The following TENM1 variants were observed in gnomAD, a reference collection of about 807,000 sequenced individuals.
TENM1 encodes the protein teneurin-1.
A neutral mutation model predicts 174.8 loss-of-function variants in TENM1; 35 were observed. The observed-to-expected ratio is 0.20, with a 90% CI of 0.15 to 0.27. The LOEUF is 0.27. Ranked by LOEUF, TENM1 falls within the 10% of genes least tolerant of loss-of-function variation. The pLI, the probability that TENM1 is intolerant of heterozygous loss-of-function variation, is 1.00. For missense variants in TENM1, 1,633 were observed against 2,130.1 expected (o/e 0.77, Z 4.59); for synonymous variants, 781 against 798.7 (o/e 0.98, Z 0.37).
chrX:124,702,197 T>C (rs2052792620), intron 5 of TENM1, among the ~76,000 whole-genome samples: 1 of 112,252 alleles, frequency 8.9e-6, no homozygotes, highest in Non-Finnish European at 1.9e-5. Context: ...GAAAGCCATT[T>C]AAAAATCATC....
At chrX:125,076,125 A>G in the TENM1 span, among the ~76,000 whole-genome samples, 1 of 111,573 alleles carries the variant, frequency 9.0e-6, no homozygotes, top group Non-Finnish European at 1.9e-5. Flanking sequence ...ACAAAGGTCA[A>G]TGTTTAGCTT....
At chrX:124,884,032 G>A (rs978456837) in intron 3 of TENM1, among the ~76,000 whole-genome samples, 4 of 111,330 alleles carry the variant, frequency 3.6e-5, no homozygotes, top group Non-Finnish European at 7.6e-5. Context: ...GCTGCACTGT[G>A]TCCCTGATAT....
At chrX:125,162,785 C>T in the TENM1 span, among the ~76,000 whole-genome samples, 1 of 111,694 alleles carries the variant, frequency 9.0e-6, no homozygotes, top group Non-Finnish European at 1.9e-5. Flanking sequence ...TCTACATCTG[C>T]AGCTTGAATC....
the TENM1 span, among the ~76,000 whole-genome samples, chrX:125,179,422 TG>T: frequency 4.8e-5 from 5 of 104,778 alleles, no homozygotes; most frequent in Admixed American, 5.3e-4. Flanking sequence ...AAGACCAGCC[TG>T]GGCAACCAAG....
chrX:124,578,210 G>C (rs1008895751), intron 11 of TENM1, among the ~76,000 whole-genome samples: 2 of 111,756 alleles, frequency 1.8e-5, no homozygotes, highest in Admixed American at 1.9e-4. Flanking sequence ...TTACATGAAT[G>C]AGCCACCACA....
intron 1 of TENM1, among the ~76,000 whole-genome samples, chrX:124,960,433 C>G (rs1261680733): frequency 8.9e-6 from 1 of 112,211 alleles, no homozygotes; most frequent in Non-Finnish European, 1.9e-5. Flanking sequence ...TGTCTATTTT[C>G]TCCACTGCAC....
intron 23 of TENM1, among the ~76,000 whole-genome samples, chrX:124,443,784 C>T (rs1207726446): frequency 9.0e-6 from 1 of 111,716 alleles, no homozygotes; most frequent in Non-Finnish European, 1.9e-5. Flanking sequence ...AACAGAGTTA[C>T]CAACCTGGTA....
chrX:124,512,380 A>T (rs1203810520), intron 18 of TENM1, among the ~76,000 whole-genome samples: 1 of 111,736 alleles, frequency 8.9e-6, no homozygotes, highest in African/African-American at 3.3e-5. Flanking sequence ...GAGTCAAAGA[A>T]TAAAGCACTA....
rs369931404 is a variant in TENM1, at chrX:124,823,915, T to C, written c.535+70381A>G. Among the ~76,000 whole-genome samples the C allele has an allele frequency of 3.0e-4, 34 of 111,627 alleles. No homozygotes were observed. In the East Asian group the frequency reaches 6.5e-3, roughly 21 times the overall value. On this transcript the variant is annotated intron_variant, in intron 3 of 31. Coordinates refer to ENST00000422452, the Ensembl canonical transcript of TENM1. ...TTTTCAAGAAATTATGATCATCACA[T>C]AGATACTGTTTTATTACCAGCTTTT...
chrX:124,832,826 T>C (rs2056317925), intron 3 of TENM1, among the ~76,000 whole-genome samples: 1 of 112,195 alleles, frequency 8.9e-6, no homozygotes, highest in African/African-American at 3.2e-5. Context: ...CCTCCCGCCT[T>C]GGCCTCCCAA....
At chrX:124,594,675 TATC>T (rs903251855) in intron 11 of TENM1, among the ~76,000 whole-genome samples, 2 of 112,326 alleles carry the variant, frequency 1.8e-5, no homozygotes, top group Non-Finnish European at 3.8e-5. Flanking sequence ...CATCCCATAA[TATC>T]ATGTTATAAA....
intron 1 of TENM1, among the ~76,000 whole-genome samples, chrX:124,943,352 T>C (rs2058357842): frequency 8.9e-6 from 1 of 111,835 alleles, no homozygotes; most frequent in Non-Finnish European, 1.9e-5. Flanking sequence ...AGAACTTACC[T>C]AGTGAACTTT....
intron 22 of TENM1, among the ~76,000 whole-genome samples, chrX:124,466,938 C>T (rs2061247325): frequency 9.0e-6 from 1 of 111,393 alleles, no homozygotes; most frequent in Admixed American, 9.6e-5. Context: ...ACAAAGCAGA[C>T]CTATCAATCT....
intron 7 of TENM1, among the ~76,000 whole-genome samples, 162 bp from the exon 11 acceptor site, chrX:124,652,286 C>T (rs370220171): frequency 8.1e-5 from 9 of 111,403 alleles, no homozygotes; most frequent in Non-Finnish European, 1.1e-4. Flanking sequence ...TGGCCAGGCA[C>T]GGTGGCTCAT....
At chrX:124,731,778 C>T (rs944925487) in intron 4 of TENM1, among the ~76,000 whole-genome samples, 4 of 111,564 alleles carry the variant, frequency 3.6e-5, no homozygotes, top group African/African-American at 6.5e-5. Context: ...ATTGGAAGAT[C>T]GGTAAGAATG....
chrX:124,938,490 C>T (rs190483793), intron 1 of TENM1, among the ~76,000 whole-genome samples: 3 of 111,916 alleles, frequency 2.7e-5, no homozygotes, highest in Admixed American at 9.5e-5. Flanking sequence ...ACGACTACTG[C>T]AATTTTAGGT....
At chrX:124,554,805 T>C (rs2843519) in intron 14 of TENM1, among the ~76,000 whole-genome samples, 29,275 of 110,671 alleles carry the variant, frequency 0.26, 2,960 homozygotes, top group South Asian at 0.42. Flanking sequence ...GGCTTGCAAA[T>C]AGCTATTGCT....
intron 3 of TENM1, among the ~76,000 whole-genome samples, chrX:124,861,641 A>G (rs138179315): frequency 3.6e-5 from 4 of 112,112 alleles, no homozygotes; most frequent in African/African-American, 1.3e-4. Flanking sequence ...AAATATGATT[A>G]TATCTTCATA....
At chrX:124,893,796 T>A (rs2057514690) in intron 3 of TENM1, among the ~76,000 whole-genome samples, 1 of 111,892 alleles carries the variant, frequency 8.9e-6, no homozygotes. Flanking sequence ...AACATTTTTT[T>A]TTCATTTGAA....
Sources: allele counts gnomAD v4.1 joint callset (sites outside exome capture counted in the v4.1 genomes callset), GRCh38; gene constraint gnomAD v4.1.1; transcripts MANE v1.5; gene names NCBI Gene and HGNC (gene_info 2026-07-23, HGNC 2026-07-21).